The following MYH14 variants were observed in gnomAD, a reference collection of about 807,000 sequenced individuals.
The protein encoded by MYH14 is myosin-14.
In MYH14, 123 loss-of-function variants were observed where a neutral mutation model predicts 255.5. The observed-to-expected ratio is 0.48, with a 90% CI of 0.42 to 0.56. The LOEUF is 0.56. MYH14 is among the 20% of genes least tolerant of loss of function. MYH14 has a pLI of 0.00. For missense variants in MYH14, 2,423 were observed against 2,802.3 expected (o/e 0.86, Z 3.06); for synonymous variants, 1,095 against 1,161.2 (o/e 0.94, Z 1.16).
chr19:50,267,098 G>A, intron 23 of MYH14, 90 bp downstream of exon 23: 3 of 1,288,804 alleles, frequency 2.3e-6, no homozygotes, highest in Admixed American at 2.1e-5. Context: ...CGGGGCTTCC[G>A]GCTGAGCCAG....
intron 9 of MYH14, 65 bp from the exon 10 acceptor site, chr19:50,231,865 G>T (rs1479549134): frequency 3.8e-6 from 6 of 1,595,034 alleles, no homozygotes; most frequent in African/African-American, 1.3e-5. Context: ...TGCCACCGAT[G>T]AATCCAGGAT....
intron 1 of MYH14, among the ~76,000 whole-genome samples, chr19:50,208,941 C>T (rs923246870): frequency 4.6e-5 from 7 of 151,864 alleles, no homozygotes; most frequent in Non-Finnish European, 8.8e-5. Flanking sequence ...ATCGCTTGAG[C>T]CCAGGAGTTT....
At chr19:50,271,658 C>T (rs1025601841) in intron 25 of MYH14, 112 bp downstream of exon 25, 26 of 1,392,662 alleles carry the variant, frequency 1.9e-5, no homozygotes, top group South Asian at 1.0e-4. Context: ...AGGTGTGCAC[C>T]GGTGGGGGTG....
At chr19:50,228,316 T>C (rs987773817) in intron 8 of MYH14, among the ~76,000 whole-genome samples, 1 of 151,798 alleles carries the variant, frequency 6.6e-6, no homozygotes, top group African/African-American at 2.4e-5. Flanking sequence ...ATTAGCAATA[T>C]CTGTATCAAT....
chr19:50,276,003 G>A lies in MYH14; in HGVS notation c.3480G>A (p.Glu1160=). 1 of 1,612,652 alleles carries A rather than the reference G, an allele frequency of 6.2e-7. No individual in the cohort carries two copies. The highest frequency in any genetic ancestry group is 1.1e-5 in the South Asian group (1 of 90,876). ...LQAALARAED[E]GGARAQLLKS... Reference sequence around the variant, plus strand: ...TTGTCACCCCCAGGGCAGAAGACGAGGGTGGGGCCCGGGCCCAGCTGCTGA... The same window carrying A: ...TTGTCACCCCCAGGGCAGAAGACGAAGGTGGGGCCCGGGCCCAGCTGCTGA... Residue 1160 remains glutamate (E), a synonymous_variant, in exon 28 of 43, where the codon GAG becomes GAA. Transcript: ENST00000642316. The surrounding 1 kb of genome is among the most constrained non-coding windows in gnomAD (Gnocchi z 4.3).
chr19:50,210,548 G>A lies in MYH14; in HGVS notation c.183G>A (p.Glu61=). The change falls in exon 2 of 43, where the codon GAG becomes GAA. Residue 61 remains glutamate, a synonymous_variant. Transcript: ENST00000642316. ...GGCGTCTCGTGTGGGTGCCTTCGGA[G>A]CTTCACGGGTTCGAGGCGGCGGCGC... ...TARRLVWVPS[E]LHGFEAAALR... is the part of the protein sequence containing the mutation. 5.7e-6 allele frequency: 9 copies of A among 1,582,734 alleles called. No individual in the cohort carries two copies. The highest frequency in any genetic ancestry group is 1.1e-5 in the South Asian group (1 of 87,172).
chr19:50,214,972 A>G (rs1469198653), intron 2 of MYH14, among the ~76,000 whole-genome samples: 2 of 151,972 alleles, frequency 1.3e-5, no homozygotes, highest in Non-Finnish European at 2.9e-5. Flanking sequence ...TCGGTTTCCC[A>G]AGGAGGAAAC....
intron 35 of MYH14, among the ~76,000 whole-genome samples, 196 bp from the exon 36 acceptor site, chr19:50,290,691 G>A (rs1173763649): frequency 6.6e-6 from 1 of 152,178 alleles, no homozygotes; most frequent in Admixed American, 6.5e-5. Context: ...AGGCTAGAAA[G>A]GAGGCTTAGG....
chr19:50,224,045 T>TCCCCCCCCCCCCCCCCC, intron 5 of MYH14, 109 bp from the exon 6 acceptor site: 1 of 316,164 alleles, frequency 3.2e-6, no homozygotes, highest in South Asian at 3.6e-5. Flanking sequence ...CCAGTCCCCC[T>TCCCCCCCCCCCCCCCCC]TCCCCCACCC....
At chr19:50,248,409 G>A (rs1348144244) in intron 12 of MYH14, among the ~76,000 whole-genome samples, 1 of 152,162 alleles carries the variant, frequency 6.6e-6, no homozygotes, top group African/African-American at 2.4e-5. Flanking sequence ...CCATGAGCAG[G>A]GAGGGTGGAG....
intron 7 of MYH14, 27 bp downstream of exon 7, chr19:50,225,704 G>T: frequency 6.4e-7 from 1 of 1,573,136 alleles, no homozygotes; most frequent in Non-Finnish European, 8.7e-7. Context: ...GGCAGTGCTG[G>T]CTGTGTCAGG....
intron 29 of MYH14, 145 bp downstream of exon 29, chr19:50,277,046 C>A: frequency 1.6e-6 from 1 of 644,952 alleles, no homozygotes; most frequent in Non-Finnish European, 2.7e-6. Flanking sequence ...ATCTTTCATT[C>A]AGCAAGCATT....
At position 50,282,711 on chromosome 19, in the gene MYH14, A is replaced by G. The variant is rs965609300; in HGVS notation, c.4539+869A>G. Reference sequence around the variant, plus strand: ...GAGCAAGACTCCATCTCAAAAAAAAAATAAAAAATTAAAAAAAATTTTTTT... The same window carrying G: ...GAGCAAGACTCCATCTCAAAAAAAAGATAAAAAATTAAAAAAAATTTTTTT... On this transcript the variant is annotated intron_variant, in intron 33 of 42. Transcript: ENST00000642316. Among the ~76,000 whole-genome samples, 8 of 152,318 alleles carry G rather than the reference A, an allele frequency of 5.3e-5. No homozygotes were observed. In the East Asian group the frequency reaches 1.5e-3, roughly 29 times the overall value.
At chr19:50,234,297 G>A (rs917234316) in intron 10 of MYH14, among the ~76,000 whole-genome samples, 1 of 152,164 alleles carries the variant, frequency 6.6e-6, no homozygotes, top group African/African-American at 2.4e-5. Context: ...CGCCTTTTCA[G>A]AGGCTGCGTA....
chr19:50,217,901 G>A (rs1051341195), intron 3 of MYH14, 130 bp downstream of exon 3: 3 of 1,101,140 alleles, frequency 2.7e-6, no homozygotes, highest in Middle Eastern at 3.1e-4. Flanking sequence ...TTCTTAGGGG[G>A]CTGGAGGGAG....
intron 27 of MYH14, 41 bp downstream of exon 27, chr19:50,272,772 T>C: frequency 6.5e-7 from 1 of 1,541,056 alleles, no homozygotes; most frequent in Non-Finnish European, 8.8e-7. Flanking sequence ...GCAGCATGGG[T>C]GCACGGCCAG....
chr19:50,209,908 G>A (rs1190098016), intron 1 of MYH14, among the ~76,000 whole-genome samples: 1 of 151,444 alleles, frequency 6.6e-6, no homozygotes, highest in African/African-American at 2.4e-5. Context: ...GACCAGCCTG[G>A]CCAACATGGT....
rs2033311002 is a variant in MYH14, at chr19:50,230,348, A to T, written c.875-177A>T. Among the ~76,000 whole-genome samples, 1 of 152,184 alleles carries T rather than the reference A, an allele frequency of 6.6e-6. No homozygotes were observed. On this transcript the variant is annotated intron_variant, in intron 8 of 42. Transcript: ENST00000642316. This position sits in a 1 kb window ranked among gnomAD's most constrained non-coding sequence, Gnocchi z 4.7. ...GAGGAAACTGAGGCACAAGTGCTTA[A>T]GTGACATGAGCACGGCTGCTCTTCC...
intron 1 of MYH14, among the ~76,000 whole-genome samples, chr19:50,207,241 G>GAGAGAGAGAGAGAA (rs2031817865): frequency 2.9e-5 from 4 of 136,386 alleles, no homozygotes; most frequent in East Asian, 2.4e-4. Flanking sequence ...AGAAAAAAGA[G>GAGAGAGAGAGAGAA]AGAGAGAGAG....
Sources: allele counts gnomAD v4.1 joint callset (sites outside exome capture counted in the v4.1 genomes callset), GRCh38; gene constraint gnomAD v4.1.1; non-coding constraint Gnocchi (gnomAD v3.1); transcripts MANE v1.5; gene names NCBI Gene and HGNC (gene_info 2026-07-23, HGNC 2026-07-21).